The following PRR20G variants were observed in gnomAD, a reference collection of about 807,000 sequenced individuals.
The protein encoded by PRR20G is proline-rich protein 20G.
At chr3:127,286,728 A>G (rs1576281367) in intron 2 of PRR20G, among the ~76,000 whole-genome samples, 1 of 152,210 alleles carries the variant, frequency 6.6e-6, no homozygotes, top group Non-Finnish European at 1.5e-5. Flanking sequence ...GGCAGCTGGG[A>G]GGTGACTCAG....
At chr3:127,285,463 C>T (rs1399133131) in intron 2 of PRR20G, among the ~76,000 whole-genome samples, 2 of 151,958 alleles carry the variant, frequency 1.3e-5, no homozygotes, top group Admixed American at 6.6e-5. Flanking sequence ...GGAGGGGAGG[C>T]GTTCACACAG....
chr3:127,287,830 T>A (rs1331097688), intron 1 of PRR20G, among the ~76,000 whole-genome samples, 49 bp downstream of exon 1: 5 of 152,124 alleles, frequency 3.3e-5, no homozygotes, highest in African/African-American at 1.2e-4. Flanking sequence ...TGTCCCCACC[T>A]GTACCCACGC....
intron 2 of PRR20G, among the ~76,000 whole-genome samples, chr3:127,285,803 A>G (rs1373232816): frequency 6.6e-6 from 1 of 152,334 alleles, no homozygotes; most frequent in African/African-American, 2.4e-5. Flanking sequence ...AAGAGACAGA[A>G]CAATAACACA....
intron 1 of PRR20G, among the ~76,000 whole-genome samples, 154 bp from the exon 2 acceptor site, chr3:127,287,526 G>A (rs970006885): frequency 6.6e-6 from 1 of 152,186 alleles, no homozygotes; most frequent in Non-Finnish European, 1.5e-5. Flanking sequence ...CTGAGCCCGC[G>A]GGGCGCAGCC....
chr3:127,287,399 G>A (rs1410634920), intron 1 of PRR20G, among the ~76,000 whole-genome samples, 27 bp from the exon 2 acceptor site: 1 of 152,154 alleles, frequency 6.6e-6, no homozygotes, highest in Non-Finnish European at 1.5e-5. Flanking sequence ...GGAGGAAAAC[G>A]CGTCTGTCAG....
intron 1 of PRR20G, among the ~76,000 whole-genome samples, 181 bp downstream of exon 1, chr3:127,287,698 C>T (rs879397178): frequency 4.6e-5 from 7 of 152,292 alleles, no homozygotes; most frequent in African/African-American, 1.4e-4. Context: ...ACTTAGGCCT[C>T]CTGGAGGAAT....
intron 1 of PRR20G, among the ~76,000 whole-genome samples, 85 bp from the exon 2 acceptor site, chr3:127,287,457 A>G (rs747206204): frequency 1.2e-4 from 18 of 151,908 alleles, no homozygotes; most frequent in African/African-American, 4.8e-5. Flanking sequence ...AGCGATGCGG[A>G]CCCCACCTCA....
At chr3:127,286,530 A>G (rs1380755492) in intron 2 of PRR20G, among the ~76,000 whole-genome samples, 2 of 152,212 alleles carry the variant, frequency 1.3e-5, no homozygotes, top group Admixed American at 6.5e-5. Flanking sequence ...AAATTCCAAT[A>G]CCTCCAGAAA....
chr3:127,287,412 T>C (rs1177958177), intron 1 of PRR20G, among the ~76,000 whole-genome samples, 40 bp from the exon 2 acceptor site: 1 of 151,974 alleles, frequency 6.6e-6, no homozygotes, highest in African/African-American at 2.4e-5. Context: ...TCTGTCAGGG[T>C]ATTAAACCAC....
At chr3:127,287,201 C>A (rs975376942) in intron 2 of PRR20G, among the ~76,000 whole-genome samples, 113 bp downstream of exon 2, 1 of 152,166 alleles carries the variant, frequency 6.6e-6, no homozygotes, top group African/African-American at 2.4e-5. Context: ...GGAGCATGGG[C>A]TGCTGCATTT....
intron 2 of PRR20G, among the ~76,000 whole-genome samples, chr3:127,285,610 A>T (rs1423608081): frequency 6.6e-6 from 1 of 152,190 alleles, no homozygotes; most frequent in Non-Finnish European, 1.5e-5. Flanking sequence ...CCTAAGAAAA[A>T]GTCCCAAGAA....
At position 127,287,998 on chromosome 3, in the gene PRR20G, G is replaced by A. The variant is rs574039135; in HGVS notation, c.-127C>T. On this transcript the variant is annotated 5_prime_UTR_variant, in exon 1 of 3. Transcript: ENST00000465482. ...AAATGCGCCCCCTACCAGGCAGGTA[G>A]GAGGGAGCACCCAGCAGTCCTAGTT... Among the ~76,000 whole-genome samples the A allele has an allele frequency of 1.3e-5, 2 of 152,178 alleles. No individual in the cohort carries two copies. Among genetic ancestry groups the A allele is most frequent in the African/African-American group, 2.4e-5 (1 of 41,436 alleles).
chr3:127,286,072 AAAGG>A (rs1428059066), intron 2 of PRR20G, among the ~76,000 whole-genome samples: 1 of 152,204 alleles, frequency 6.6e-6, no homozygotes, highest in Non-Finnish European at 1.5e-5. Flanking sequence ...ACAATGATGG[AAAGG>A]AAGGAAGATA....
chr3:127,284,959 C>T (rs527258055), intron 2 of PRR20G, among the ~76,000 whole-genome samples: 1 of 152,294 alleles, frequency 6.6e-6, no homozygotes, highest in South Asian at 2.1e-4. Context: ...ACACTGCCTG[C>T]CTTCACTGTG....
intron 2 of PRR20G, among the ~76,000 whole-genome samples, chr3:127,286,421 T>A (rs991806525): frequency 6.6e-6 from 1 of 152,238 alleles, no homozygotes; most frequent in Admixed American, 6.5e-5. Flanking sequence ...CTTCAAGGCA[T>A]GCTTTCTTGT....
chr3:127,286,993 G>C (rs900122964), intron 2 of PRR20G, among the ~76,000 whole-genome samples: 1 of 152,150 alleles, frequency 6.6e-6, no homozygotes, highest in Admixed American at 6.5e-5. Context: ...GTGTGGCTGG[G>C]TGAGTGGTGG....
intron 2 of PRR20G, among the ~76,000 whole-genome samples, 108 bp downstream of exon 2, chr3:127,287,206 G>A (rs1212312467): frequency 6.6e-6 from 1 of 152,190 alleles, no homozygotes; most frequent in Non-Finnish European, 1.5e-5. Context: ...ATGGGCTGCT[G>A]CATTTCATAA....
At chr3:127,287,121 G>A (rs552547142) in intron 2 of PRR20G, among the ~76,000 whole-genome samples, 193 bp downstream of exon 2, 3 of 152,308 alleles carry the variant, frequency 2.0e-5, no homozygotes, top group African/African-American at 7.2e-5. Flanking sequence ...TTTAAAGAAT[G>A]AGAGGAAATG....
intron 1 of PRR20G, among the ~76,000 whole-genome samples, 135 bp downstream of exon 1, chr3:127,287,744 G>A (rs2107702829): frequency 6.6e-6 from 1 of 152,280 alleles, no homozygotes; most frequent in East Asian, 1.9e-4. Context: ...AAAAGATGGA[G>A]GATGGGGAAC....
Sources: allele counts gnomAD v4.1 joint callset (sites outside exome capture counted in the v4.1 genomes callset), GRCh38; gene constraint gnomAD v4.1.1; transcripts MANE v1.5; gene names NCBI Gene and HGNC (gene_info 2026-07-23, HGNC 2026-07-21).